The following TENT5D variants were observed in gnomAD, a reference collection of about 807,000 sequenced individuals.
TENT5D encodes terminal nucleotidyltransferase 5D.
For synonymous variants in TENT5D, 103 were observed against 100.6 expected, an observed-to-expected ratio of 1.02 and a Z score of -0.15; for missense variants, 191 against 287.0, an observed-to-expected ratio of 0.67 and a Z score of 2.42.
intron 3 of TENT5D, among the ~76,000 whole-genome samples, chrX:80,404,281 A>C (rs1263778107): frequency 8.9e-6 from 1 of 112,136 alleles, no homozygotes; most frequent in Non-Finnish European, 1.9e-5. Flanking sequence ...GTGGAGACTT[A>C]ATTTCTGAAA....
rs1932226787 is a variant in TENT5D at position 80,438,591 on chromosome X, TG to T, written c.-141-18del. The T allele has an allele frequency of 9.1e-6, 1 of 109,916 alleles. No individual in the cohort carries two copies. The highest frequency in any genetic ancestry group is 1.9e-5 in the Non-Finnish European group (1 of 52,413). The allele number at this position is 109,916 out of a possible 1,213,427, so 9.1% of individuals were successfully genotyped here. A position where few individuals can be genotyped will look rare whatever the true frequency, so the allele number is the denominator to read the frequency against. On this transcript the variant is annotated intron_variant, in intron 1 of 2. Coordinates refer to ENST00000308293, the Ensembl canonical transcript of TENT5D. ...AATATCTATTAAAGAACTTTATTTTTGCTTTTATTATCTTGCAGTTTTTCTG... is the reference window on the plus strand; with the variant it reads ...AATATCTATTAAAGAACTTTATTTTTCTTTTATTATCTTGCAGTTTTTCTG...
intron 3 of TENT5D, among the ~76,000 whole-genome samples, chrX:80,382,274 A>G (rs915228947): frequency 8.9e-6 from 1 of 112,008 alleles, no homozygotes; most frequent in Admixed American, 9.4e-5. Context: ...TTGCCTGGGT[A>G]TCACCAACAG....
At chrX:80,389,698 C>A (rs977721526) in intron 3 of TENT5D, among the ~76,000 whole-genome samples, 1 of 112,109 alleles carries the variant, frequency 8.9e-6, no homozygotes, top group East Asian at 2.8e-4. Flanking sequence ...GCTGCTAATA[C>A]GTCCAGTAAT....
At chrX:80,392,195 GT>G (rs1931141414) in intron 3 of TENT5D, among the ~76,000 whole-genome samples, 1 of 111,662 alleles carries the variant, frequency 9.0e-6, no homozygotes, top group African/African-American at 3.2e-5. Flanking sequence ...AGCTTGGCAA[GT>G]TTAGTGTCCT....
upstream of TENT5D, among the ~76,000 whole-genome samples, chrX:80,416,445 C>A (rs981054101): frequency 1.2e-4 from 13 of 107,784 alleles, no homozygotes; most frequent in South Asian, 4.0e-4. Context: ...TATAAACTTC[C>A]CTTTAACACT....
intron 1 of TENT5D, among the ~76,000 whole-genome samples, chrX:80,429,904 C>T (rs1932054305): frequency 9.0e-6 from 1 of 111,001 alleles, no homozygotes; most frequent in Admixed American, 9.6e-5. Context: ...TTAAAAAGGC[C>T]ATCTGGTTTT....
At chrX:80,412,801 C>T (rs1931698567) in intron 3 of TENT5D, among the ~76,000 whole-genome samples, 1 of 111,785 alleles carries the variant, frequency 8.9e-6, no homozygotes, top group Non-Finnish European at 1.9e-5. Context: ...ATAGTTTACC[C>T]AGATTACTTA....
chrX:80,427,070 T>G (rs1322683737), intron 1 of TENT5D, among the ~76,000 whole-genome samples: 1 of 111,918 alleles, frequency 8.9e-6, no homozygotes, highest in Admixed American at 9.6e-5. Flanking sequence ...TTCCCAGACA[T>G]GTGGCACTGT....
upstream of TENT5D, among the ~76,000 whole-genome samples, chrX:80,415,861 T>C (rs1364446109): frequency 8.9e-6 from 1 of 111,922 alleles, no homozygotes; most frequent in Non-Finnish European, 1.9e-5. Flanking sequence ...CTGGTTTCAA[T>C]GGGAATGGCA....
At chrX:80,420,234 C>T (rs1308012190), upstream of TENT5D, among the ~76,000 whole-genome samples, 1 of 110,085 alleles carries the variant, frequency 9.1e-6, no homozygotes, top group Non-Finnish European at 1.9e-5. Flanking sequence ...TTTTCTCCTT[C>T]CTCCCTCTTC....
chrX:80,425,174 C>G (rs1365934423), intron 1 of TENT5D, among the ~76,000 whole-genome samples: 1 of 112,431 alleles, frequency 8.9e-6, no homozygotes, highest in African/African-American at 3.2e-5. Flanking sequence ...CTGATGCAAA[C>G]AATATATTGT....
intron 3 of TENT5D, among the ~76,000 whole-genome samples, chrX:80,354,869 C>T (rs1030597378): frequency 6.3e-5 from 7 of 111,865 alleles, no homozygotes; most frequent in Non-Finnish European, 1.3e-4. Flanking sequence ...GCTGTCTTTT[C>T]GATGGGGCGT....
At chrX:80,397,162 C>T (rs1182475080) in intron 3 of TENT5D, among the ~76,000 whole-genome samples, 16 of 104,067 alleles carry the variant, frequency 1.5e-4, no homozygotes, top group Non-Finnish European at 3.2e-4. Context: ...AGGGGCTCCT[C>T]ACTTCTCAGA....
At chrX:80,366,169 T>TA (rs1930506570) in intron 3 of TENT5D, among the ~76,000 whole-genome samples, 1 of 104,349 alleles carries the variant, frequency 9.6e-6, no homozygotes, top group Admixed American at 1.1e-4. Context: ...TAGATCTCTC[T>TA]AGTGGTGAGT....
chrX:80,356,928 C>A (rs1300894080), intron 3 of TENT5D, among the ~76,000 whole-genome samples: 4 of 110,558 alleles, frequency 3.6e-5, no homozygotes, highest in Non-Finnish European at 7.6e-5. Flanking sequence ...CACCCCACAA[C>A]AGGCCCCGGT....
intron 3 of TENT5D, among the ~76,000 whole-genome samples, chrX:80,412,990 A>C (rs764252082): frequency 9.0e-6 from 1 of 111,012 alleles, no homozygotes; most frequent in African/African-American, 3.3e-5. Flanking sequence ...TTCATTAACC[A>C]ACCAATGTTA....
chrX:80,400,008 G>A (rs1931362395), intron 3 of TENT5D, among the ~76,000 whole-genome samples: 2 of 111,297 alleles, frequency 1.8e-5, no homozygotes, highest in Admixed American at 1.9e-4. Context: ...TGATTAAAGT[G>A]GCCAAGGCAT....
intron 3 of TENT5D, among the ~76,000 whole-genome samples, chrX:80,354,208 T>G (rs774163805): frequency 9.0e-6 from 1 of 111,669 alleles, no homozygotes; most frequent in Admixed American, 9.5e-5. Context: ...TTGTATGGTA[T>G]CTCACAGGGG....
At chrX:80,358,373 C>T (rs750096552) in intron 3 of TENT5D, among the ~76,000 whole-genome samples, 5 of 111,380 alleles carry the variant, frequency 4.5e-5, no homozygotes, top group South Asian at 7.4e-4. Flanking sequence ...TCAGAGTGAA[C>T]AGGAAACCTA....
Sources: allele counts gnomAD v4.1 joint callset (sites outside exome capture counted in the v4.1 genomes callset), GRCh38; gene constraint gnomAD v4.1.1; transcripts MANE v1.5; gene names NCBI Gene and HGNC (gene_info 2026-07-23, HGNC 2026-07-21).